Variants in CHCHD6 observed in about 807,000 individuals in gnomAD.
The protein encoded by CHCHD6 is coiled-coil-helix-coiled-coil-helix domain containing 6, also known as MICOS complex subunit MIC25.
A neutral mutation model predicts 32.3 loss-of-function variants in CHCHD6; 28 were observed. The ratio of observed to expected loss-of-function variants is 0.87; its 90% CI spans 0.64 to 1.19. CHCHD6 has a LOEUF of 1.19. CHCHD6 is among the 50% of genes most tolerant of loss of function. The pLI is 0.00. For synonymous variants in CHCHD6, 122 were observed against 117.5 expected (o/e 1.04, Z -0.25); for missense variants, 333 against 307.0 (o/e 1.08, Z -0.63).
intron 4 of CHCHD6, among the ~76,000 whole-genome samples, chr3:126,778,963 C>T (rs988522737): frequency 2.7e-5 from 4 of 148,076 alleles, no homozygotes; most frequent in African/African-American, 1.0e-4. Flanking sequence ...GAGAGGGTCT[C>T]ACTATGTTGC....
At chr3:126,957,053 G>T (rs1028062110) in intron 6 of CHCHD6, 9 of 313,770 alleles carry the variant, frequency 2.9e-5, no homozygotes, top group Non-Finnish European at 5.5e-5. Flanking sequence ...GGCACAGCGG[G>T]GCGGGTTGTC....
At chr3:126,846,836 GTGTGTA>G (rs978477254) in intron 4 of CHCHD6, among the ~76,000 whole-genome samples, 36 of 152,294 alleles carry the variant, frequency 2.4e-4, no homozygotes, top group African/African-American at 7.0e-4. Flanking sequence ...GTGTTTGTGT[GTGTGTA>G]TGTGTATGTG....
chr3:126,824,679 C>T (rs1336528467), intron 4 of CHCHD6, among the ~76,000 whole-genome samples: 2 of 151,210 alleles, frequency 1.3e-5, no homozygotes, highest in African/African-American at 4.9e-5. Context: ...CTCTGCCTTA[C>T]AGGTTCAATT....
chr3:126,766,714 C>CAG, intron 4 of CHCHD6: 1 of 1,152,594 alleles, frequency 8.7e-7, no homozygotes, highest in Non-Finnish European at 1.3e-6. Context: ...TATCCAGCCA[C>CAG]AGAGGTCCTG....
At chr3:126,850,662 G>A (rs551409115) in intron 4 of CHCHD6, among the ~76,000 whole-genome samples, 10 of 152,168 alleles carry the variant, frequency 6.6e-5, no homozygotes, top group Non-Finnish European at 1.5e-4. Flanking sequence ...GCCTTCAGAT[G>A]TCATCTTCCT....
intron 5 of CHCHD6, among the ~76,000 whole-genome samples, chr3:126,858,776 C>A (rs969004211): frequency 6.6e-6 from 1 of 152,228 alleles, no homozygotes; most frequent in Non-Finnish European, 1.5e-5. Context: ...TGAGTACCTC[C>A]TCTTCTGACC....
rs184239999 is a variant in CHCHD6, at chr3:126,841,685, C to T, written c.412-10962C>T. ...CTTTGGGAGGCCAAGGTGGGAGGAT[C>T]GCTTAACCCCAGGAGTTTGAGATCA... On this transcript the variant is annotated intron_variant, in intron 4 of 7. Transcript: ENST00000290913. Among the ~76,000 whole-genome samples the T allele has an allele frequency of 3.7e-3, 560 of 149,654 alleles. 13 individuals are homozygous for T. Among genetic ancestry groups the T allele is most frequent in the Admixed American group, 0.034 (519 of 15,080 alleles).
Position 126,819,615 on chromosome 3 carries a change from G to GT in CHCHD6, c.412-33031dup, listed in dbSNP as rs1038536283. 2.6e-5 allele frequency among the ~76,000 whole-genome samples: 4 copies of GT among 152,312 alleles called. No homozygotes were observed. In the East Asian group the frequency reaches 7.7e-4, roughly 29 times the overall value. ...CTTCACAGCCCTCCAGAAAACTGCTGTCCTATCCTTAGCCCTCAGCATCTG... is the reference window on the plus strand; with the variant it reads ...CTTCACAGCCCTCCAGAAAACTGCTGTTCCTATCCTTAGCCCTCAGCATCTG... On this transcript the variant is annotated intron_variant, in intron 4 of 7. Coordinates refer to ENST00000290913, the MANE Select transcript of CHCHD6 (RefSeq NM_032343.3).
chr3:126,833,889 A>G (rs1002848120), intron 4 of CHCHD6, among the ~76,000 whole-genome samples: 3 of 151,464 alleles, frequency 2.0e-5, no homozygotes, highest in Non-Finnish European at 1.5e-5. Flanking sequence ...CCCCGTCTCT[A>G]CTAAAACTAC....
At chr3:126,854,603 C>T (rs1348278422) in intron 5 of CHCHD6, among the ~76,000 whole-genome samples, 1 of 152,194 alleles carries the variant, frequency 6.6e-6, no homozygotes, top group African/African-American at 2.4e-5. Context: ...TATGATTCCA[C>T]TTTCATTTGT....
At chr3:126,804,817 C>A (rs921384356) in intron 4 of CHCHD6, among the ~76,000 whole-genome samples, 1 of 152,066 alleles carries the variant, frequency 6.6e-6, no homozygotes, top group Admixed American at 6.5e-5. Context: ...TACTGGCAAA[C>A]CAAATCCAGC....
intron 4 of CHCHD6, among the ~76,000 whole-genome samples, chr3:126,807,037 G>C (rs1186016394): frequency 7.8e-6 from 1 of 128,764 alleles, no homozygotes; most frequent in African/African-American, 2.9e-5. Context: ...ATCACACTCT[G>C]GGGCCTGCTG....
chr3:126,716,602 T>C (rs1425246366), intron 1 of CHCHD6, among the ~76,000 whole-genome samples: 2 of 152,088 alleles, frequency 1.3e-5, no homozygotes, highest in African/African-American at 4.8e-5. Context: ...CTAATAAATA[T>C]TTAATTCATG....
At position 126,852,647 on chromosome 3, in the gene CHCHD6, G is replaced by T. The variant is rs774273922; in HGVS notation, c.412G>T (p.Ala138Ser). The T allele has an allele frequency of 3.7e-6, 6 of 1,613,244 alleles. No individual in the cohort carries two copies. The highest frequency in any genetic ancestry group is 5.1e-6 in the Non-Finnish European group (6 of 1,179,280). Residue 138 changes from alanine (A) to serine (S), a missense_variant and splice_region_variant, in exon 5 of 8, where the codon GCC (alanine) becomes TCC (serine). Transcript: ENST00000290913. ...GTGGGCTTTGTTCTCTTCCAAGCAG[G>T]CCAGGGAGCTGGAGAGCAGAGAGGC... ...SHEEQKSVRL[A>S]RELESREAEL...
intron 6 of CHCHD6, among the ~76,000 whole-genome samples, chr3:126,942,707 A>G (rs1173259581): frequency 6.6e-6 from 1 of 152,046 alleles, no homozygotes; most frequent in Non-Finnish European, 1.5e-5. Context: ...CAGGAGCCAC[A>G]TTCCTTCTGT....
chr3:126,801,328 C>T (rs1045251368), intron 4 of CHCHD6, among the ~76,000 whole-genome samples: 16 of 152,312 alleles, frequency 1.1e-4, no homozygotes, highest in East Asian at 5.8e-4. Flanking sequence ...GGGTGACAGA[C>T]GGCACCTGGA....
rs184228114 is a variant in CHCHD6, at chr3:126,941,106, A to T, written c.567-16310A>T. ...GACCTTTCCACCCCAGTGAAGGTCT[A>T]TAATCGTATGCACCCATATTTTTAG... On this transcript the variant is annotated intron_variant, in intron 6 of 7. Transcript: ENST00000290913. Among the ~76,000 whole-genome samples the T allele has an allele frequency of 5.9e-5, 9 of 152,356 alleles. No homozygotes were observed. In the East Asian group the frequency reaches 1.7e-3, roughly 29 times the overall value.
chr3:126,802,953 C>A (rs1939158430), intron 4 of CHCHD6, among the ~76,000 whole-genome samples: 1 of 151,976 alleles, frequency 6.6e-6, no homozygotes, highest in African/African-American at 2.4e-5. Context: ...AATTTCATAT[C>A]CAGCCAAACT....
chr3:126,860,907 C>G (rs1045804393), intron 5 of CHCHD6, among the ~76,000 whole-genome samples: 2 of 152,134 alleles, frequency 1.3e-5, no homozygotes, highest in Non-Finnish European at 2.9e-5. Flanking sequence ...CACAGATGGC[C>G]CAAGGCAGTT....
Sources: gnomAD v4.1 joint callset for allele counts (sites outside exome capture counted in the v4.1 genomes callset) on GRCh38, gnomAD v4.1.1 for gene constraint, MANE v1.5 for transcripts, NCBI Gene and HGNC (gene_info 2026-07-23, HGNC 2026-07-21) for gene names.